The following SMARCA2 variants were observed in gnomAD, a reference collection of about 807,000 sequenced individuals.
The protein encoded by SMARCA2 is SWI/SNF-related matrix-associated actin-dependent regulator of chromatin subfamily A member 2.
Under a neutral mutation model 199.8 loss-of-function variants are expected in SMARCA2, and 61 were observed. The ratio of observed to expected loss-of-function variants is 0.31; its 90% confidence interval spans 0.25 to 0.38. The LOEUF (loss-of-function observed/expected upper bound fraction) is 0.38, where lower values mean the gene tolerates loss of function less well. Ranked by LOEUF, SMARCA2 falls within the 10% of genes least tolerant of loss-of-function variation. The probability of loss-of-function intolerance (pLI) is 1.00; values close to 1 mark genes in which losing one functional copy is unlikely to be tolerated. For synonymous variants in SMARCA2, 935 were observed against 732.0 expected (o/e 1.28, Z -4.48); for missense variants, 1,344 against 2,012.2 (o/e 0.67, Z 6.35).
intron 4 of SMARCA2, chr9:2,040,642 T>C (rs1009191362): frequency 6.6e-6 from 1 of 152,258 alleles, no homozygotes; most frequent in Non-Finnish European, 1.5e-5. Context: ...TTTAAATTAT[T>C]ATCATCATCA....
At chr9:2,135,662 C>T (rs1448221305) in intron 27 of SMARCA2, among the ~76,000 whole-genome samples, 2 of 152,134 alleles carry the variant, frequency 1.3e-5, no homozygotes, top group African/African-American at 2.4e-5. Context: ...CTACTTCAGC[C>T]TCCCAAGTAG....
At chr9:2,108,038 G>A (rs1032702166) in intron 23 of SMARCA2, among the ~76,000 whole-genome samples, 12 of 152,130 alleles carry the variant, frequency 7.9e-5, no homozygotes, top group African/African-American at 2.7e-4. Context: ...TCACAGGTTC[G>A]TTCTACACAG....
intron 33 of SMARCA2, chr9:2,191,690 A>C (rs541358246): frequency 2.9e-5 from 8 of 275,824 alleles, no homozygotes; most frequent in Middle Eastern, 1.1e-3. Flanking sequence ...GCTTTCTTAT[A>C]AATATGGTTT....
rs149815770 is a variant in SMARCA2 at position 2,152,900 on chromosome 9, T to A, written c.3982-8786T>A. Among the ~76,000 whole-genome samples the A allele has an allele frequency of 3.7e-3, 559 of 151,986 alleles. 4 individuals are homozygous for A. The highest frequency in any genetic ancestry group is 0.013 in the African/African-American group (519 of 41,488). On this transcript the variant is annotated intron_variant, in intron 27 of 33. Coordinates refer to ENST00000349721, the MANE Select transcript of SMARCA2 (RefSeq NM_003070.5). Reference sequence around the variant, plus strand: ...TTATAAAAAATAAAAATAATTTATGTGAAGAAAGATGTAGGATCACAAAGT... The same window carrying A: ...TTATAAAAAATAAAAATAATTTATGAGAAGAAAGATGTAGGATCACAAAGT...
intron 21 of SMARCA2, 29 bp downstream of exon 21, chr9:2,097,500 G>A: frequency 7.4e-7 from 1 of 1,352,724 alleles, no homozygotes; most frequent in Non-Finnish European, 1.1e-6. Flanking sequence ...TTTTGAGCCT[G>A]ATTGTGCTAA....
chr9:2,102,816 A>G (rs1045676469), intron 22 of SMARCA2, among the ~76,000 whole-genome samples: 1 of 152,130 alleles, frequency 6.6e-6, no homozygotes, highest in African/African-American at 2.4e-5. Flanking sequence ...CCTAAAACCC[A>G]TTGATGACTT....
At chr9:2,018,725 A>T (rs886753329) in intron 1 of SMARCA2, among the ~76,000 whole-genome samples, 1 of 152,224 alleles carries the variant, frequency 6.6e-6, no homozygotes, top group East Asian at 1.9e-4. Context: ...ACCACCAAAG[A>T]CTCAGAAACC....
intron 27 of SMARCA2, among the ~76,000 whole-genome samples, chr9:2,150,215 A>G (rs528476665): frequency 1.3e-5 from 2 of 151,660 alleles, no homozygotes; most frequent in East Asian, 3.9e-4. Context: ...TACTCATAAC[A>G]TCCCTAGCAT....
At chr9:2,151,412 C>T (rs1327497491) in intron 27 of SMARCA2, among the ~76,000 whole-genome samples, 2 of 151,502 alleles carry the variant, frequency 1.3e-5, no homozygotes, top group Admixed American at 1.3e-4. Context: ...CAGTACAAGA[C>T]CCAGGCCAGC....
chr9:2,092,209 G>A (rs974132953), intron 19 of SMARCA2, among the ~76,000 whole-genome samples: 5 of 152,086 alleles, frequency 3.3e-5, no homozygotes, highest in African/African-American at 1.2e-4. Context: ...AATTGGCTGG[G>A]TATTTCTTTA....
chr9:2,064,827 G>A (rs1586664595), intron 9 of SMARCA2, among the ~76,000 whole-genome samples: 1 of 152,182 alleles, frequency 6.6e-6, no homozygotes, highest in Admixed American at 6.5e-5. Flanking sequence ...GTACTTTAGG[G>A]TACATTTTTC....
intron 23 of SMARCA2, among the ~76,000 whole-genome samples, chr9:2,107,956 A>G (rs753856423): frequency 6.6e-6 from 1 of 152,064 alleles, no homozygotes; most frequent in African/African-American, 2.4e-5. Context: ...AGGTTTAGGG[A>G]TATTTATGGG....
intron 32 of SMARCA2, among the ~76,000 whole-genome samples, chr9:2,187,577 C>G (rs907952468): frequency 1.3e-5 from 2 of 152,042 alleles, no homozygotes; most frequent in African/African-American, 4.8e-5. Flanking sequence ...ACTCAGGAAG[C>G]TGAGGCAGGA....
At position 2,123,852 on chromosome 9, in the gene SMARCA2, A is replaced by G; in HGVS notation, c.3896A>G (p.Glu1299Gly). Reference protein sequence around the residue: ...AEVERLTCEEEEEKIFGRGSR... With the variant: ...AEVERLTCEEGEEKIFGRGSR... ...GTAGAAAGGCTCACCTGTGAAGAAG[A>G]GGAGGAGAAAATATTTGGGAGGGGG... The change falls in exon 27 of 34, where the codon GAG becomes GGG. Residue 1299 changes from glutamate (E) to glycine (G), a missense_variant. Around this residue, in one of 18 missense-constraint regions of SMARCA2, gnomAD observed 63 missense variants for 83.3 expected, o/e 0.76. Transcript: ENST00000349721. This position sits in a 1 kb window ranked among gnomAD's most constrained non-coding sequence, Gnocchi z 4.1. 1 of 1,610,256 alleles carries G rather than the reference A, an allele frequency of 6.2e-7. No homozygotes were observed.
At chr9:2,054,787 A>T (rs1303663232) in intron 6 of SMARCA2, 64 bp downstream of exon 6, 1 of 1,539,806 alleles carries the variant, frequency 6.5e-7, no homozygotes, top group East Asian at 2.2e-5. Flanking sequence ...CTAAAGTGTT[A>T]TCTGTGTTGC....
At chr9:2,151,660 G>C (rs1305225592) in intron 27 of SMARCA2, among the ~76,000 whole-genome samples, 1 of 152,136 alleles carries the variant, frequency 6.6e-6, no homozygotes, top group African/African-American at 2.4e-5. Flanking sequence ...TTGAACCCAG[G>C]AGGTGGAGGT....
At chr9:2,174,853 G>A (rs777373929) in intron 29 of SMARCA2, among the ~76,000 whole-genome samples, 12 of 146,232 alleles carry the variant, frequency 8.2e-5, no homozygotes, top group Admixed American at 2.1e-4. Context: ...CTGGGAGGTC[G>A]AGGCTACAGT....
intron 19 of SMARCA2, among the ~76,000 whole-genome samples, chr9:2,092,289 C>T (rs1044091118): frequency 5.3e-5 from 8 of 152,162 alleles, no homozygotes; most frequent in Non-Finnish European, 1.0e-4. Context: ...TAAAGTCAAT[C>T]CTGATTCTGA....
chr9:2,036,232 T>C (rs1195615219), intron 3 of SMARCA2, among the ~76,000 whole-genome samples: 1 of 151,990 alleles, frequency 6.6e-6, no homozygotes, highest in East Asian at 1.9e-4. Flanking sequence ...AGAAAATTCA[T>C]GTAGAATTGG....
Sources: allele counts gnomAD v4.1 joint callset (sites outside exome capture counted in the v4.1 genomes callset), GRCh38; gene constraint gnomAD v4.1.1; regional missense constraint gnomAD v4.1.1; non-coding constraint Gnocchi (gnomAD v3.1); transcripts MANE v1.5; gene names NCBI Gene and HGNC (gene_info 2026-07-23, HGNC 2026-07-21).